Variants in DOCK8 observed in about 807,000 individuals in gnomAD.
DOCK8 encodes dedicator of cytokinesis 8.
DOCK8 carries 141 observed loss-of-function variants against 245.6 expected under a neutral mutation model. That is an observed-to-expected ratio of 0.57 (90% confidence interval 0.50 to 0.66). The LOEUF is 0.66. Ranked by LOEUF, DOCK8 falls within the 30% of genes least tolerant of loss-of-function variation. The probability of loss-of-function intolerance (pLI) is 0.00; values close to 1 mark genes in which losing one functional copy is unlikely to be tolerated. For missense variants in DOCK8, 2,965 were observed against 2,603.4 expected, an observed-to-expected ratio of 1.14 and a Z score of -3.02; for synonymous variants, 1,168 against 970.2, an observed-to-expected ratio of 1.20 and a Z score of -3.79.
At chr9:450,123 C>T (rs2057381544) in intron 45 of DOCK8, among the ~76,000 whole-genome samples, 196 bp downstream of exon 45, 1 of 152,042 alleles carries the variant, frequency 6.6e-6, no homozygotes, top group African/African-American at 2.4e-5. Flanking sequence ...GTAACAACCC[C>T]AGGTAAAAAA....
chr9:296,058 A>T (rs2049248582), intron 4 of DOCK8, among the ~76,000 whole-genome samples: 1 of 152,240 alleles, frequency 6.6e-6, no homozygotes, highest in Admixed American at 6.5e-5. Context: ...TGGAAGATTT[A>T]TTAAATGATT....
intron 1 of DOCK8, among the ~76,000 whole-genome samples, chr9:243,561 A>G (rs915170224): frequency 5.9e-5 from 9 of 152,128 alleles, no homozygotes; most frequent in African/African-American, 1.2e-4. Context: ...TGACAGTCCA[A>G]TATTTACTGA....
rs767482446 is a variant in DOCK8, at chr9:371,515, C to G, written c.1956C>G (p.Ile652Met). The change falls in exon 17 of 48, where the codon ATC becomes ATG. Residue 652 changes from isoleucine to methionine, a missense_variant. Coordinates refer to ENST00000432829, the MANE Select transcript of DOCK8 (RefSeq NM_203447.4). ...NHHLLFTFYH[I>M]SCQQKQGASV... ...ACCTCCTGTTCACCTTCTACCATAT[C>G]AGCTGTCAGCAGAAGCAAGGAGCCT... The G allele has an allele frequency of 6.2e-7, 1 of 1,614,202 alleles. No individual in the cohort carries two copies. Among genetic ancestry groups the G allele is most frequent in the South Asian group, 1.1e-5 (1 of 91,092 alleles).
chr9:257,023 C>T (rs10966417), intron 1 of DOCK8, among the ~76,000 whole-genome samples: 4,297 of 152,328 alleles, frequency 0.028, 86 homozygotes, highest in South Asian at 0.048. Context: ...ACTGACTCCA[C>T]CTCCCACATC....
At chr9:228,970 T>C (rs1382883337) in intron 1 of DOCK8, among the ~76,000 whole-genome samples, 1 of 152,182 alleles carries the variant, frequency 6.6e-6, no homozygotes, top group East Asian at 1.9e-4. Context: ...GAAACCTAGC[T>C]GGTCTTTTTT....
At chr9:283,522 T>C (rs2048680591) in intron 2 of DOCK8, among the ~76,000 whole-genome samples, 1 of 152,184 alleles carries the variant, frequency 6.6e-6, no homozygotes, top group South Asian at 2.1e-4. Flanking sequence ...TTGTATTCAT[T>C]CAGGAATCTA....
At chr9:451,853 A>G (rs1564084852) in intron 45 of DOCK8, among the ~76,000 whole-genome samples, 158 bp from the exon 46 acceptor site, 1 of 149,324 alleles carries the variant, frequency 6.7e-6, no homozygotes, top group Non-Finnish European at 1.5e-5. Flanking sequence ...GTATGAATAT[A>G]TTCATATATA....
intron 12 of DOCK8, 64 bp downstream of exon 12, chr9:336,782 C>A: frequency 6.3e-7 from 1 of 1,596,958 alleles, no homozygotes; most frequent in Non-Finnish European, 8.6e-7. Flanking sequence ...CTGGAACCCA[C>A]AGGAGGAGGA....
chr9:319,491 G>A (rs551223483), intron 7 of DOCK8, among the ~76,000 whole-genome samples: 19 of 152,256 alleles, frequency 1.2e-4, no homozygotes, highest in South Asian at 2.1e-4. Context: ...ACAGCCCTCC[G>A]AGTAACTACT....
upstream of DOCK8, chr9:214,478 G>A: frequency 6.3e-7 from 1 of 1,587,878 alleles, no homozygotes; most frequent in Admixed American, 1.8e-5. Flanking sequence ...CCTTCTTCGA[G>A]AATGGTGTCA....
chr9:303,119 C>T (rs1456002898), intron 4 of DOCK8, among the ~76,000 whole-genome samples: 2 of 151,434 alleles, frequency 1.3e-5, no homozygotes, highest in Admixed American at 6.6e-5. Flanking sequence ...ATAATCACAC[C>T]ACTGCACTCC....
intron 12 of DOCK8, among the ~76,000 whole-genome samples, chr9:337,040 T>C (rs1396793200): frequency 6.6e-6 from 1 of 152,068 alleles, no homozygotes; most frequent in Non-Finnish European, 1.5e-5. Context: ...CAGGTCTCTC[T>C]TCCTGTTCTT....
chr9:297,550 C>G (rs918125695), intron 4 of DOCK8, among the ~76,000 whole-genome samples: 12 of 152,128 alleles, frequency 7.9e-5, no homozygotes, highest in Non-Finnish European at 1.0e-4. Flanking sequence ...CATCTAGGTG[C>G]AACAGGAACT....
At chr9:396,430 T>A (rs1288518201) in intron 24 of DOCK8, among the ~76,000 whole-genome samples, 1 of 152,226 alleles carries the variant, frequency 6.6e-6, no homozygotes, top group African/African-American at 2.4e-5. Flanking sequence ...TGTTCTGTCC[T>A]ATGATAGAGG....
At chr9:319,177 G>T (rs2050475680) in intron 7 of DOCK8, among the ~76,000 whole-genome samples, 1 of 152,086 alleles carries the variant, frequency 6.6e-6, no homozygotes, top group Non-Finnish European at 1.5e-5. Flanking sequence ...AGCTACATTG[G>T]GAGGCTGAGG....
At chr9:325,953 A>G (rs2050747928) in intron 8 of DOCK8, among the ~76,000 whole-genome samples, 1 of 152,198 alleles carries the variant, frequency 6.6e-6, no homozygotes, top group African/African-American at 2.4e-5. Flanking sequence ...AGGCTACTGG[A>G]GGTGCTGGCC....
At chr9:309,123 C>T (rs2049983155) in intron 5 of DOCK8, among the ~76,000 whole-genome samples, 1 of 152,150 alleles carries the variant, frequency 6.6e-6, no homozygotes, top group South Asian at 2.1e-4. Context: ...GCCAGTTATA[C>T]CCTACGGATA....
intron 1 of DOCK8, 77 bp downstream of exon 1, chr9:215,106 G>A: frequency 6.6e-7 from 1 of 1,507,718 alleles, no homozygotes; most frequent in South Asian, 1.2e-5. Context: ...CGCTGCAGGG[G>A]CCGAGGCCGG....
intron 43 of DOCK8, among the ~76,000 whole-genome samples, chr9:445,267 A>G (rs1409437209): frequency 2.0e-5 from 3 of 152,106 alleles, no homozygotes; most frequent in Non-Finnish European, 4.4e-5. Context: ...TTCCCAGGGT[A>G]GGTTGTGAGA....
Sources: gnomAD v4.1 joint callset for allele counts (sites outside exome capture counted in the v4.1 genomes callset) on GRCh38, gnomAD v4.1.1 for gene constraint, MANE v1.5 for transcripts, NCBI Gene and HGNC (gene_info 2026-07-23, HGNC 2026-07-21) for gene names.